DLG2: variants seen among roughly 807,000 people sequenced by gnomAD.
DLG2 encodes the protein discs large MAGUK scaffold protein 2.
DLG2 carries 45 observed loss-of-function variants against 132.5 expected under a neutral mutation model. That is an observed-to-expected ratio of 0.34 (90% CI 0.27 to 0.44). The LOEUF (loss-of-function observed/expected upper bound fraction) is 0.44. DLG2 is among the 20% of genes least tolerant of loss of function. The probability of loss-of-function intolerance (pLI) is 1.00; values close to 1 mark genes in which losing one functional copy is unlikely to be tolerated. For missense variants in DLG2, 1,045 were observed against 1,196.9 expected (o/e 0.87, Z 1.87); for synonymous variants, 424 against 419.6 (o/e 1.01, Z -0.13).
rs11234349 is a variant in DLG2, at chr11:85,474,642, G to T, written c.40+124015C>A. ...TGATCAGGAGCAACTGTATCCAATAGACCTTTCAGCAATAATAAAATTGTT... is the reference window on the plus strand; with the variant it reads ...TGATCAGGAGCAACTGTATCCAATATACCTTTCAGCAATAATAAAATTGTT... On this transcript the variant is annotated intron_variant, in intron 3 of 27. Transcript: ENST00000376104. Among the ~76,000 whole-genome samples, 1,114 of 151,936 alleles carry T rather than the reference G, an allele frequency of 7.3e-3. 3 individuals carry two copies. The highest frequency in any genetic ancestry group is 0.019 in the South Asian group (90 of 4,820).
intron 4 of DLG2, among the ~76,000 whole-genome samples, chr11:85,178,751 A>G (rs889392358): frequency 2.0e-5 from 3 of 151,962 alleles, no homozygotes; most frequent in Admixed American, 2.0e-4. Context: ...GATATTATAA[A>G]CCATAGACTA....
At chr11:84,623,184 T>C (rs919170808) in intron 6 of DLG2, among the ~76,000 whole-genome samples, 4 of 152,184 alleles carry the variant, frequency 2.6e-5, no homozygotes, top group African/African-American at 9.7e-5. Context: ...TATTAATAAC[T>C]TCATCCTGAG....
Position 85,591,389 on chromosome 11 carries a change from C to G in DLG2, c.40+7268G>C, listed in dbSNP as rs549913176. Among the ~76,000 whole-genome samples the G allele has an allele frequency of 2.6e-5, 4 of 152,306 alleles. 1 individual carries two copies. In the South Asian group the frequency reaches 8.3e-4, roughly 32 times the overall value. On this transcript the variant is annotated intron_variant, in intron 3 of 27. Transcript: ENST00000376104. Reference sequence around the variant, plus strand: ...TTCCAGGCAGATCCATTTCCTCACTCTCCTTTGAACGTACATCAATGTGTA... The same window carrying G: ...TTCCAGGCAGATCCATTTCCTCACTGTCCTTTGAACGTACATCAATGTGTA...
At chr11:83,591,874 A>G (rs888720636) in intron 19 of DLG2, among the ~76,000 whole-genome samples, 2 of 147,666 alleles carry the variant, frequency 1.4e-5, no homozygotes, top group East Asian at 2.0e-4. Flanking sequence ...CCAAATCATG[A>G]GTGAACTCCC....
chr11:84,883,409 T>C (rs1021973199), intron 6 of DLG2, among the ~76,000 whole-genome samples: 2 of 152,014 alleles, frequency 1.3e-5, no homozygotes, highest in South Asian at 2.1e-4. Context: ...TACACCACCA[T>C]GGCACTTTAT....
intron 17 of DLG2, among the ~76,000 whole-genome samples, chr11:83,803,506 C>T (rs77884201): frequency 0.035 from 5,303 of 152,124 alleles, 309 homozygotes; most frequent in African/African-American, 0.12. Flanking sequence ...TGCCCTAATT[C>T]CCAGTGAACC....
At chr11:84,198,613 A>G (rs2096553265) in intron 8 of DLG2, among the ~76,000 whole-genome samples, 1 of 152,206 alleles carries the variant, frequency 6.6e-6, no homozygotes, top group Non-Finnish European at 1.5e-5. Context: ...TTAAGAAAAA[A>G]TATAAAACCA....
intron 15 of DLG2, among the ~76,000 whole-genome samples, chr11:83,920,929 T>C (rs990460112): frequency 6.6e-6 from 1 of 152,172 alleles, no homozygotes; most frequent in Admixed American, 6.6e-5. Flanking sequence ...TAAAAAGATG[T>C]GACTATTGTT....
rs995455552 is a variant in DLG2 at position 85,391,422 on chromosome 11, C to T, written c.41-106057G>A. On this transcript the variant is annotated intron_variant, in intron 3 of 27. Transcript: ENST00000376104. ...CCAAAAGATAAAGAAGGAGGGAATC[C>T]TCTCTAAATCATTCTATGAAGCCAG... Among the ~76,000 whole-genome samples the T allele has an allele frequency of 2.6e-5, 4 of 152,150 alleles. 1 individual carries two copies. Among genetic ancestry groups the T allele is most frequent in the Admixed American group, 2.6e-4 (4 of 15,280 alleles).
intron 18 of DLG2, among the ~76,000 whole-genome samples, chr11:83,660,196 C>A (rs1281060414): frequency 2.0e-5 from 3 of 152,054 alleles, no homozygotes; most frequent in Non-Finnish European, 4.4e-5. Flanking sequence ...AAGACATAAC[C>A]TAGCCCTTAG....
At chr11:83,668,032 C>A (rs1185430514) in intron 18 of DLG2, among the ~76,000 whole-genome samples, 1 of 136,152 alleles carries the variant, frequency 7.3e-6, no homozygotes, top group Non-Finnish European at 1.6e-5. Flanking sequence ...CGGCCCCTGG[C>A]TGCCAGTCAC....
chr11:84,992,123 T>C (rs938325846), intron 6 of DLG2, among the ~76,000 whole-genome samples: 1 of 152,192 alleles, frequency 6.6e-6, no homozygotes, highest in Non-Finnish European at 1.5e-5. Context: ...CATCACTTCA[T>C]GTAGTTAAGT....
intron 19 of DLG2, among the ~76,000 whole-genome samples, chr11:83,561,501 G>A (rs11233672): frequency 0.044 from 6,672 of 152,272 alleles, 179 homozygotes; most frequent in South Asian, 0.11. Context: ...AGTTCTGCAA[G>A]TGAAGAGTAA....
chr11:84,392,931 A>G (rs10128620), intron 7 of DLG2, among the ~76,000 whole-genome samples: 32,624 of 152,138 alleles, frequency 0.21, 4,737 homozygotes, highest in African/African-American at 0.41. Flanking sequence ...TTGAAAATAT[A>G]TAATAGAATT....
intron 7 of DLG2, among the ~76,000 whole-genome samples, chr11:84,434,316 T>G (rs539246753): frequency 6.6e-6 from 1 of 152,260 alleles, no homozygotes; most frequent in East Asian, 1.9e-4. Flanking sequence ...ATTATCACTT[T>G]GAAATTCTAA....
intron 7 of DLG2, among the ~76,000 whole-genome samples, chr11:84,409,360 G>A (rs1337239103): frequency 6.6e-6 from 1 of 152,138 alleles, no homozygotes; most frequent in East Asian, 1.9e-4. Context: ...CAGCAAGAGT[G>A]GAATCCTAAA....
chr11:84,823,207 A>G (rs1386564605), intron 6 of DLG2, among the ~76,000 whole-genome samples: 3 of 151,872 alleles, frequency 2.0e-5, no homozygotes, highest in Admixed American at 1.3e-4. Context: ...CTGATATGCA[A>G]ATTTTCACCT....
At chr11:84,020,594 C>G (rs149285505) in intron 11 of DLG2, among the ~76,000 whole-genome samples, 1 of 152,302 alleles carries the variant, frequency 6.6e-6, no homozygotes, top group Non-Finnish European at 1.5e-5. Flanking sequence ...AGGACAGACA[C>G]ACAGGAAAGC....
intron 6 of DLG2, among the ~76,000 whole-genome samples, chr11:84,862,017 C>G (rs1343618763): frequency 8.1e-6 from 1 of 124,036 alleles, no homozygotes; most frequent in African/African-American, 3.2e-5. Context: ...AAGGGAACAT[C>G]ACACTCTGGG....
Sources: allele counts gnomAD v4.1 joint callset (sites outside exome capture counted in the v4.1 genomes callset), GRCh38; gene constraint gnomAD v4.1.1; transcripts MANE v1.5; gene names NCBI Gene and HGNC (gene_info 2026-07-23, HGNC 2026-07-21).